Variants in SIPA1L1 observed in about 807,000 individuals in gnomAD.
SIPA1L1 encodes signal-induced proliferation-associated 1-like protein 1.
SIPA1L1 carries 26 observed loss-of-function variants against 162.7 expected under a neutral mutation model. That is an observed-to-expected ratio of 0.16 (90% confidence interval 0.12 to 0.22). SIPA1L1 has a LOEUF of 0.22. Among genes scored for constraint, SIPA1L1 ranks in the 10% least tolerant of loss-of-function variants. SIPA1L1 has a pLI of 1.00. For missense variants in SIPA1L1, 1,874 were observed against 2,241.0 expected (o/e 0.84, Z 3.31); for synonymous variants, 829 against 837.4 (o/e 0.99, Z 0.17).
At chr14:71,513,903 C>T (rs186506763) in intron 3 of SIPA1L1, among the ~76,000 whole-genome samples, 9 of 152,282 alleles carry the variant, frequency 5.9e-5, no homozygotes, top group East Asian at 3.9e-4. Flanking sequence ...GTTGATGCTG[C>T]GGTCATGACG....
intron 2 of SIPA1L1, among the ~76,000 whole-genome samples, chr14:71,474,439 T>G (rs1478018044): frequency 3.9e-5 from 6 of 152,224 alleles, no homozygotes; most frequent in Non-Finnish European, 8.8e-5. Flanking sequence ...AGTAATTGAC[T>G]TTCTTTTCTA....
chr14:71,538,676 C>T (rs769837646), intron 4 of SIPA1L1, among the ~76,000 whole-genome samples: 32 of 151,598 alleles, frequency 2.1e-4, no homozygotes, highest in South Asian at 4.2e-4. Context: ...GGATACAAGA[C>T]GGCAAAGTAG....
intron 2 of SIPA1L1, among the ~76,000 whole-genome samples, chr14:71,449,579 G>A (rs1222756516): frequency 6.6e-6 from 1 of 152,164 alleles, no homozygotes; most frequent in East Asian, 1.9e-4. Context: ...TGGAAGTTAT[G>A]TGATTTTAAT....
intron 2 of SIPA1L1, among the ~76,000 whole-genome samples, chr14:71,395,513 A>G (rs1228282441): frequency 6.6e-6 from 1 of 152,170 alleles, no homozygotes; most frequent in Non-Finnish European, 1.5e-5. Flanking sequence ...ATAAAAAACA[A>G]TTAGCTGGGC....
chr14:71,407,606 CA>C (rs1231506173), intron 2 of SIPA1L1, among the ~76,000 whole-genome samples: 1 of 151,622 alleles, frequency 6.6e-6, no homozygotes, highest in Non-Finnish European at 1.5e-5. Flanking sequence ...ACCTGGGCCC[CA>C]ATGATCCTCC....
intron 2 of SIPA1L1, among the ~76,000 whole-genome samples, chr14:71,322,470 A>G (rs1253824249): frequency 2.0e-5 from 3 of 152,208 alleles, no homozygotes; most frequent in Admixed American, 6.5e-5. Context: ...CCAGGATTTA[A>G]AAAAGAGGAT....
In SIPA1L1 at chr14:71,671,507, A is replaced by C. The variant is rs747132189; in HGVS notation, c.2644A>C (p.Asn882His). 8 of 1,614,190 alleles carry C rather than the reference A, an allele frequency of 5.0e-6. No homozygotes were observed. Among genetic ancestry groups the C allele is most frequent in the African/African-American group, 1.3e-5 (1 of 75,044 alleles). Residue 882 changes from asparagine to histidine, a missense_variant, in exon 11 of 24, where the codon AAT becomes CAT. Asn to His is a moderately conservative substitution (Grantham distance 68). This residue lies in a region of SIPA1L1 where 243 missense variants were observed against 315.0 expected (regional missense o/e 0.77). Coordinates refer to ENST00000381232, the MANE Select transcript of SIPA1L1 (RefSeq NM_001386936.1). ...MELDCLLGIS[N>H]EFIVLIEQET... The stretch of plus-strand genomic sequence containing the variant: ...ACTAGACTGCCTTTTAGGGATCTCC[A>C]ATGAGTTCATTGTGCTCATTGAACA...
intron 5 of SIPA1L1, among the ~76,000 whole-genome samples, chr14:71,613,039 A>G (rs150506164): frequency 1.4e-3 from 208 of 152,326 alleles, no homozygotes; most frequent in Non-Finnish European, 2.5e-3. Flanking sequence ...TCAACCGTAT[A>G]TGGATATAAT....
chr14:71,610,963 A>G (rs2038139906), intron 5 of SIPA1L1, among the ~76,000 whole-genome samples: 1 of 152,252 alleles, frequency 6.6e-6, no homozygotes, highest in Non-Finnish European at 1.5e-5. Flanking sequence ...AACAGTAATT[A>G]TAAGCTTAGT....
intron 2 of SIPA1L1, among the ~76,000 whole-genome samples, chr14:71,512,351 G>T (rs1002107234): frequency 6.6e-6 from 1 of 152,038 alleles, no homozygotes; most frequent in African/African-American, 2.4e-5. Context: ...AATATTTTAC[G>T]TTAAAATATG....
chr14:71,333,015 T>G (rs981125367), intron 2 of SIPA1L1, among the ~76,000 whole-genome samples: 1 of 152,336 alleles, frequency 6.6e-6, no homozygotes, highest in East Asian at 1.9e-4. Context: ...TGGTGGATAA[T>G]TTTAGTGTTA....
chr14:71,646,063 G>T (rs893135661), intron 7 of SIPA1L1, among the ~76,000 whole-genome samples: 3 of 152,114 alleles, frequency 2.0e-5, no homozygotes, highest in Admixed American at 6.5e-5. Flanking sequence ...AGAAGACTGA[G>T]AACTTGGTTA....
At chr14:71,392,864 C>T (rs746253957) in intron 2 of SIPA1L1, among the ~76,000 whole-genome samples, 14 of 152,208 alleles carry the variant, frequency 9.2e-5, no homozygotes, top group Non-Finnish European at 1.9e-4. Context: ...CCATAAAATC[C>T]TTAAATACAG....
chr14:71,345,495 A>G (rs1566912537), intron 2 of SIPA1L1, among the ~76,000 whole-genome samples: 1 of 151,862 alleles, frequency 6.6e-6, no homozygotes, highest in Non-Finnish European at 1.5e-5. Flanking sequence ...GCATATTAAA[A>G]TTATTTTTCT....
rs369744562 is a variant in SIPA1L1, at chr14:71,618,895, G to A, written c.1629+8G>A. The A allele has an allele frequency of 1.5e-4, 235 of 1,611,788 alleles. No individual in the cohort carries two copies. Among genetic ancestry groups the A allele is most frequent in the Non-Finnish European group, 2.0e-4 (230 of 1,179,006 alleles). On this transcript the variant is annotated splice_region_variant and intron_variant, in intron 6 of 23. Coordinates refer to ENST00000381232, the MANE Select transcript of SIPA1L1 (RefSeq NM_001386936.1). ...ATTTTTAGAACTAGTGAGGTAAGTC[G>A]CAAATGAGAGAGGTTTGAGGTTTAA...
At chr14:71,678,968 C>T (rs1358872062) in intron 12 of SIPA1L1, among the ~76,000 whole-genome samples, 3 of 151,960 alleles carry the variant, frequency 2.0e-5, no homozygotes, top group Non-Finnish European at 4.4e-5. Context: ...GATTGGTGTA[C>T]CTGAAAGTGA....
intron 2 of SIPA1L1, among the ~76,000 whole-genome samples, chr14:71,469,019 T>C (rs530318876): frequency 1.3e-4 from 20 of 152,328 alleles, no homozygotes; most frequent in Middle Eastern, 3.4e-3. Flanking sequence ...CCTTACTTTC[T>C]AAGTCTTTTT....
chr14:71,343,597 A>G (rs965527608), intron 2 of SIPA1L1, among the ~76,000 whole-genome samples: 5 of 152,174 alleles, frequency 3.3e-5, no homozygotes, highest in African/African-American at 1.2e-4. Flanking sequence ...CCCAAGAATA[A>G]CCACTGTTAC....
At chr14:71,479,336 G>GGTATGTATGTATGTATGTATGTATGTAT (rs59082026) in intron 2 of SIPA1L1, among the ~76,000 whole-genome samples, 11 of 148,218 alleles carry the variant, frequency 7.4e-5, no homozygotes, top group East Asian at 2.0e-4. Flanking sequence ...TGTGTATGTA[G>GGTATGTATGTATGTATGTATGTATGTAT]GTATGTATGT....
Sources: gnomAD v4.1 joint callset for allele counts (sites outside exome capture counted in the v4.1 genomes callset) on GRCh38, gnomAD v4.1.1 for gene constraint, gnomAD v4.1.1 regional missense constraint, MANE v1.5 for transcripts, NCBI Gene and HGNC (gene_info 2026-07-23, HGNC 2026-07-21) for gene names.